NOS1AP: variants seen among roughly 807,000 people sequenced by gnomAD.
NOS1AP encodes the protein nitric oxide synthase 1 adaptor protein.
Under a neutral mutation model 56.2 loss-of-function variants are expected in NOS1AP, and 21 were observed. That is an observed-to-expected ratio of 0.37 (90% CI 0.26 to 0.54). NOS1AP has a LOEUF of 0.54. NOS1AP is among the 20% of genes least tolerant of loss of function. The pLI is 0.84. For synonymous variants in NOS1AP, 270 were observed against 274.6 expected, an observed-to-expected ratio of 0.98 and a Z score of 0.17; for missense variants, 522 against 657.8, an observed-to-expected ratio of 0.79 and a Z score of 2.26.
intron 4 of NOS1AP, among the ~76,000 whole-genome samples, chr1:162,302,786 C>T (rs1449295872): frequency 6.6e-6 from 1 of 152,052 alleles, no homozygotes; most frequent in Non-Finnish European, 1.5e-5. Flanking sequence ...TTTTGTAACC[C>T]TTCTCTCCTC....
chr1:162,356,716 G>A (rs896934050), intron 7 of NOS1AP, among the ~76,000 whole-genome samples: 4 of 152,172 alleles, frequency 2.6e-5, no homozygotes, highest in Non-Finnish European at 5.9e-5. Flanking sequence ...GTCTCCCATC[G>A]GGGTCAGTTA....
intron 1 of NOS1AP, among the ~76,000 whole-genome samples, chr1:162,130,542 C>G (rs1056528384): frequency 3.9e-5 from 6 of 152,196 alleles, no homozygotes; most frequent in African/African-American, 9.7e-5. Context: ...CCTGTTCTTG[C>G]CACCTCCCAA....
intron 1 of NOS1AP, among the ~76,000 whole-genome samples, chr1:162,113,913 G>T (rs934667847): frequency 1.3e-5 from 2 of 149,280 alleles, no homozygotes; most frequent in African/African-American, 5.0e-5. Flanking sequence ...CTGGGTAAGA[G>T]AATTAAAAAA....
chr1:162,170,079 A>G (rs1304488608), intron 2 of NOS1AP, among the ~76,000 whole-genome samples: 1 of 152,092 alleles, frequency 6.6e-6, no homozygotes, highest in Non-Finnish European at 1.5e-5. Flanking sequence ...ATTTCTCTTC[A>G]GGTATTTTAG....
intron 2 of NOS1AP, among the ~76,000 whole-genome samples, chr1:162,257,752 G>A (rs923250091): frequency 1.5e-4 from 23 of 152,266 alleles, no homozygotes; most frequent in South Asian, 2.1e-4. Flanking sequence ...AAGAGGAGAA[G>A]TGTCCATTGG....
intron 1 of NOS1AP, among the ~76,000 whole-genome samples, chr1:162,147,959 G>A (rs1046669650): frequency 7.2e-5 from 11 of 152,154 alleles, no homozygotes; most frequent in Non-Finnish European, 1.5e-4. Context: ...TGCTACAGAA[G>A]TCTTACAGAA....
intron 2 of NOS1AP, among the ~76,000 whole-genome samples, chr1:162,237,506 C>A (rs1194653654): frequency 6.6e-6 from 1 of 152,176 alleles, no homozygotes; most frequent in Non-Finnish European, 1.5e-5. Flanking sequence ...GGGAAATGAT[C>A]CCCTTTTCAG....
intron 2 of NOS1AP, among the ~76,000 whole-genome samples, chr1:162,246,336 A>T (rs190532628): frequency 0.05 from 7,597 of 152,196 alleles, 553 homozygotes; most frequent in African/African-American, 0.17. Context: ...GACAGTACAG[A>T]GTGATGAACA....
chr1:162,255,278 CT>C (rs1653988368), intron 2 of NOS1AP, among the ~76,000 whole-genome samples: 2 of 152,094 alleles, frequency 1.3e-5, no homozygotes, highest in African/African-American at 4.8e-5. Flanking sequence ...AAACTGGGAG[CT>C]TTTTATTACA....
intron 1 of NOS1AP, among the ~76,000 whole-genome samples, chr1:162,140,323 C>T (rs1302244388): frequency 2.6e-5 from 4 of 150,996 alleles, no homozygotes; most frequent in Admixed American, 1.3e-4. Flanking sequence ...TTATTAGAAT[C>T]AAGGGCACAC....
intron 2 of NOS1AP, among the ~76,000 whole-genome samples, chr1:162,190,386 C>T (rs1222313469): frequency 6.6e-6 from 1 of 151,774 alleles, no homozygotes; most frequent in African/African-American, 2.4e-5. Context: ...TATTATTATA[C>T]TCTAAGTTTT....
chr1:162,261,635 C>T lies in NOS1AP; in HGVS notation c.178-25709C>T, dbSNP rs1041164677. On this transcript the variant is annotated intron_variant, in intron 2 of 9. Coordinates refer to ENST00000361897, the MANE Select transcript of NOS1AP (RefSeq NM_014697.3). Reference sequence around the variant, plus strand: ...GGAAGGGGCCAGAAGTCAAGGAATGCAGGCAGCCTCCAGAAGCTGGAAAAG... The same window carrying T: ...GGAAGGGGCCAGAAGTCAAGGAATGTAGGCAGCCTCCAGAAGCTGGAAAAG... Among the ~76,000 whole-genome samples, 49 of 152,040 alleles carry T rather than the reference C, an allele frequency of 3.2e-4. 1 individual carries two copies. The highest frequency in any genetic ancestry group is 1.1e-3 in the African/African-American group (47 of 41,456).
chr1:162,095,583 G>C (rs1235610544), intron 1 of NOS1AP, among the ~76,000 whole-genome samples: 1 of 152,212 alleles, frequency 6.6e-6, no homozygotes, highest in Admixed American at 6.5e-5. Flanking sequence ...AATTCAGAAT[G>C]TTAAATTGTC....
At chr1:162,101,519 T>C (rs1647261267) in intron 1 of NOS1AP, among the ~76,000 whole-genome samples, 1 of 152,216 alleles carries the variant, frequency 6.6e-6, no homozygotes, top group Admixed American at 6.5e-5. Context: ...TAAATTACTT[T>C]GGGCAGTATG....
chr1:162,155,726 A>AT (rs1649947418), intron 2 of NOS1AP, among the ~76,000 whole-genome samples: 1 of 152,212 alleles, frequency 6.6e-6, no homozygotes, highest in Non-Finnish European at 1.5e-5. Flanking sequence ...CTGTGAAGGA[A>AT]TTTGTCCATG....
At chr1:162,301,387 C>T (rs1234080935) in intron 4 of NOS1AP, among the ~76,000 whole-genome samples, 2 of 152,200 alleles carry the variant, frequency 1.3e-5, no homozygotes, top group Non-Finnish European at 2.9e-5. Context: ...AAGGTGGGCC[C>T]TCACTAGATG....
intron 3 of NOS1AP, among the ~76,000 whole-genome samples, chr1:162,297,885 G>A (rs1197663090): frequency 2.0e-5 from 3 of 152,060 alleles, no homozygotes; most frequent in Non-Finnish European, 4.4e-5. Flanking sequence ...GGAACTTAGG[G>A]ACTCACAAAT....
intron 4 of NOS1AP, among the ~76,000 whole-genome samples, chr1:162,324,185 G>T (rs776840480): frequency 2.6e-5 from 4 of 152,000 alleles, no homozygotes; most frequent in Non-Finnish European, 5.9e-5. Context: ...GTCCTGAAAA[G>T]TGTGGGATGG....
At chr1:162,147,331 C>CAAAAAAA (rs572205161) in intron 1 of NOS1AP, among the ~76,000 whole-genome samples, 1 of 74,858 alleles carries the variant, frequency 1.3e-5, no homozygotes, top group Admixed American at 1.6e-4. Context: ...GACTCCGTCT[C>CAAAAAAA]AAAAAAAAAA....
Sources: allele counts gnomAD v4.1 joint callset (sites outside exome capture counted in the v4.1 genomes callset), GRCh38; gene constraint gnomAD v4.1.1; transcripts MANE v1.5; gene names NCBI Gene and HGNC (gene_info 2026-07-23, HGNC 2026-07-21).